The following FRMPD4 variants were observed in gnomAD, a reference collection of about 807,000 sequenced individuals.
FRMPD4 encodes the protein FERM and PDZ domain-containing protein 4.
Under a neutral mutation model 94.1 loss-of-function variants are expected in FRMPD4, and 22 were observed. The observed-to-expected ratio is 0.23, with a 90% CI of 0.17 to 0.33. The LOEUF (loss-of-function observed/expected upper bound fraction) is 0.33. Among genes scored for constraint, FRMPD4 ranks in the 10% least tolerant of loss-of-function variants. The pLI is 1.00. For missense variants in FRMPD4, 1,111 were observed against 1,339.9 expected (o/e 0.83, Z 2.67); for synonymous variants, 631 against 548.6 (o/e 1.15, Z -2.10).
chrX:12,643,943 G>A (rs1250853725), intron 4 of FRMPD4, among the ~76,000 whole-genome samples: 1 of 112,536 alleles, frequency 8.9e-6, no homozygotes, highest in East Asian at 2.8e-4. Context: ...AGACCACAAA[G>A]AAATGGTCAA....
At chrX:12,706,148 T>G (rs1032824863) in intron 11 of FRMPD4, among the ~76,000 whole-genome samples, 23 of 111,562 alleles carry the variant, frequency 2.1e-4, no homozygotes, top group African/African-American at 6.9e-4. Flanking sequence ...TTTAAGTCTT[T>G]GTAAAGATAA....
chrX:12,213,673 C>T (rs942167938), intron 1 of FRMPD4, among the ~76,000 whole-genome samples: 1 of 111,972 alleles, frequency 8.9e-6, no homozygotes, highest in Non-Finnish European at 1.9e-5. Context: ...AATAGCTTGC[C>T]TCTCAATGTT....
intron 1 of FRMPD4, among the ~76,000 whole-genome samples, chrX:12,493,466 G>T (rs1192517573): frequency 1.8e-5 from 2 of 111,829 alleles, no homozygotes; most frequent in Middle Eastern, 4.7e-3. Flanking sequence ...CTTTAGCTTT[G>T]GTTTTCCCAT....
chrX:12,659,865 A>G (rs1030558699), intron 4 of FRMPD4, among the ~76,000 whole-genome samples: 13 of 112,637 alleles, frequency 1.2e-4, no homozygotes, highest in African/African-American at 4.2e-4. Context: ...AATGAATTAA[A>G]TGGACAAAAA....
chrX:11,853,788 C>G (rs1433821970), intron 1 of FRMPD4, among the ~76,000 whole-genome samples: 1 of 112,013 alleles, frequency 8.9e-6, no homozygotes, highest in Admixed American at 9.5e-5. Context: ...CAGCTGAATT[C>G]CACCAGATGT....
In FRMPD4 at chrX:12,024,958, C is replaced by T. The variant is rs187650543; in HGVS notation, c.95+146940C>T. On this transcript the variant is annotated intron_variant, in intron 3 of 18. Coordinates refer to the FRMPD4 transcript ENST00000640291. ...CCAATATATAATTATTCTTTTTCCA[C>T]ATTTTTATTTAAAAAACAATAATGT... is the stretch of plus-strand genomic sequence containing the variant. Among the ~76,000 whole-genome samples the T allele has an allele frequency of 2.7e-5, 3 of 111,896 alleles. No individual in the cohort carries two copies. In the East Asian group the frequency reaches 8.4e-4, roughly 31 times the overall value.
chrX:11,951,069 A>AAG (rs2054220163), intron 3 of FRMPD4, among the ~76,000 whole-genome samples: 1 of 108,897 alleles, frequency 9.2e-6, no homozygotes, highest in Non-Finnish European at 1.9e-5. Context: ...CAAAAAAAAA[A>AAG]AAAAAAAAAA....
chrX:12,436,866 T>C (rs1038199997), intron 1 of FRMPD4, among the ~76,000 whole-genome samples: 4 of 111,644 alleles, frequency 3.6e-5, no homozygotes, highest in Non-Finnish European at 7.5e-5. Flanking sequence ...TTTGCTATTA[T>C]TACCTTGTGA....
chrX:12,676,696 A>C (rs188528325), intron 5 of FRMPD4, among the ~76,000 whole-genome samples: 1 of 112,463 alleles, frequency 8.9e-6, no homozygotes, highest in East Asian at 2.8e-4. Flanking sequence ...ACTGGAGTCC[A>C]TGTGACTTGT....
chrX:12,128,106 C>T (rs1237637024), intron 3 of FRMPD4, among the ~76,000 whole-genome samples: 1 of 112,863 alleles, frequency 8.9e-6, no homozygotes, highest in East Asian at 2.8e-4. Context: ...AGCTACCATT[C>T]TGGGTTCTGG....
Position 12,701,882 on chromosome X carries a change from C to T in FRMPD4, c.942C>T (p.Asn314=), listed in dbSNP as rs2060194809. 5.8e-6 allele frequency: 7 copies of T among 1,211,386 alleles called. No individual in the cohort carries two copies. The East Asian group carries it at 2.1e-4, about 36-fold the overall frequency. Reference sequence around the variant, plus strand: ...TGCTGGTCTCTTCGCAGAGTTGTAACGATGTGGTTCAGGAGCGATTTGGGC... The same window carrying T: ...TGCTGGTCTCTTCGCAGAGTTGTAATGATGTGGTTCAGGAGCGATTTGGGC... ...AFEYLYVQSC[N]DVVQERFGPE... is the part of the protein sequence containing the mutation. Residue 314 remains asparagine (N), a synonymous_variant, in exon 10 of 17, where the codon AAC becomes AAT. Coordinates refer to ENST00000675598, the MANE Select transcript of FRMPD4 (RefSeq NM_001368397.1).
chrX:12,246,024 G>A (rs1335508319), intron 1 of FRMPD4, among the ~76,000 whole-genome samples: 1 of 112,160 alleles, frequency 8.9e-6, no homozygotes, highest in African/African-American at 3.2e-5. Flanking sequence ...ACTCAGAGTT[G>A]CCTGTACTTA....
chrX:12,657,067 C>T, intron 4 of FRMPD4, among the ~76,000 whole-genome samples: 1 of 98,828 alleles, frequency 1.0e-5, no homozygotes, highest in South Asian at 5.2e-4. Context: ...GCCTGGGCAA[C>T]AAGAACAAAA....
intron 3 of FRMPD4, among the ~76,000 whole-genome samples, chrX:11,993,552 G>A (rs1012661602): frequency 8.9e-5 from 10 of 111,904 alleles, no homozygotes; most frequent in Non-Finnish European, 1.9e-4. Context: ...AAACCATAAG[G>A]GATGGAAATA....
chrX:12,045,879 C>G (rs1418066966), intron 3 of FRMPD4, among the ~76,000 whole-genome samples: 1 of 111,385 alleles, frequency 9.0e-6, no homozygotes, highest in African/African-American at 3.3e-5. Flanking sequence ...TTCAGTGACA[C>G]GTAAAACAGA....
intron 2 of FRMPD4, among the ~76,000 whole-genome samples, chrX:12,581,325 G>T (rs1028532288): frequency 2.7e-5 from 3 of 112,043 alleles, no homozygotes; most frequent in Admixed American, 9.5e-5. Flanking sequence ...AATCAATAGA[G>T]ACCAGGTGCA....
At chrX:12,380,158 G>A (rs1482370178) in intron 1 of FRMPD4, among the ~76,000 whole-genome samples, 7 of 111,908 alleles carry the variant, frequency 6.3e-5, no homozygotes, top group African/African-American at 1.6e-4. Flanking sequence ...TTTCCACTCC[G>A]TTTTGATTAT....
At chrX:12,231,586 G>GA (rs969360435) in intron 1 of FRMPD4, among the ~76,000 whole-genome samples, 4 of 111,189 alleles carry the variant, frequency 3.6e-5, no homozygotes, top group Non-Finnish European at 7.5e-5. Context: ...CACTTGCACG[G>GA]AAGACTCACT....
intron 1 of FRMPD4, among the ~76,000 whole-genome samples, chrX:12,254,007 C>T (rs2054081674): frequency 9.1e-6 from 1 of 110,124 alleles, no homozygotes; most frequent in African/African-American, 3.3e-5. Flanking sequence ...GGTATGGAGT[C>T]CAGAGTCAGA....
Sources: allele counts gnomAD v4.1 joint callset (sites outside exome capture counted in the v4.1 genomes callset), GRCh38; gene constraint gnomAD v4.1.1; transcripts MANE v1.5; gene names NCBI Gene and HGNC (gene_info 2026-07-23, HGNC 2026-07-21).